Variants in RANBP2 observed in about 807,000 individuals in gnomAD.
RANBP2 encodes E3 SUMO-protein ligase RanBP2.
In RANBP2, 57 loss-of-function variants were observed where a neutral mutation model predicts 303.6. That is an observed-to-expected ratio of 0.19 (90% CI 0.15 to 0.23). The LOEUF (loss-of-function observed/expected upper bound fraction) is 0.23, where lower values mean the gene tolerates loss of function less well. RANBP2 is among the 10% of genes least tolerant of loss of function. The pLI is 1.00. For synonymous variants in RANBP2, 1,167 were observed against 1,301.5 expected (o/e 0.90, Z 2.23); for missense variants, 3,138 against 3,780.8 (o/e 0.83, Z 4.46).
the RANBP2 span, among the ~76,000 whole-genome samples, chr2:109,189,437 C>T: frequency 6.6e-6 from 1 of 150,630 alleles, no homozygotes; most frequent in Non-Finnish European, 1.5e-5. Context: ...AGCGCTATCT[C>T]GGCTCACTGC....
chr2:109,226,697 C>T, the RANBP2 span, among the ~76,000 whole-genome samples: 1 of 152,154 alleles, frequency 6.6e-6, no homozygotes. Flanking sequence ...TCCGTTTGCT[C>T]CTAAGTCTTT....
chr2:109,374,345 G>A, the RANBP2 span, among the ~76,000 whole-genome samples: 3 of 152,124 alleles, frequency 2.0e-5, no homozygotes, highest in South Asian at 2.1e-4. Context: ...ACAGGCTCCC[G>A]GACTCTCAGC....
chr2:108,728,190 G>A (rs1694881507), intron 1 of RANBP2, among the ~76,000 whole-genome samples: 1 of 152,182 alleles, frequency 6.6e-6, no homozygotes, highest in Admixed American at 6.5e-5. Context: ...TCTTTTGTTT[G>A]TTAAGTGAGA....
At chr2:109,380,045 T>C in the RANBP2 span, among the ~76,000 whole-genome samples, 4 of 152,148 alleles carry the variant, frequency 2.6e-5, no homozygotes, top group Non-Finnish European at 5.9e-5. Flanking sequence ...GAGACAAGAC[T>C]ACATAAGAGG....
At chr2:109,329,556 C>T in the RANBP2 span, among the ~76,000 whole-genome samples, 1 of 152,236 alleles carries the variant, frequency 6.6e-6, no homozygotes, top group African/African-American at 2.4e-5. Context: ...TGGGGTGCAG[C>T]CTTCCTGCAG....
chr2:109,000,982 G>T, the RANBP2 span, among the ~76,000 whole-genome samples: 1 of 152,150 alleles, frequency 6.6e-6, no homozygotes, highest in African/African-American at 2.4e-5. Context: ...CATGTGCTGT[G>T]AGCCTCTGAG....
At chr2:109,651,864 A>G in the RANBP2 span, among the ~76,000 whole-genome samples, 2 of 151,810 alleles carry the variant, frequency 1.3e-5, no homozygotes, top group Non-Finnish European at 2.9e-5. Flanking sequence ...GATTCCTGCT[A>G]CTCCCTGCCC....
the RANBP2 span, among the ~76,000 whole-genome samples, chr2:109,061,731 G>A: frequency 2.0e-5 from 3 of 152,078 alleles, no homozygotes; most frequent in African/African-American, 4.8e-5. Context: ...GTACAATTTT[G>A]GACATTAAAA....
At chr2:109,701,250 G>A in the RANBP2 span, among the ~76,000 whole-genome samples, 1 of 152,200 alleles carries the variant, frequency 6.6e-6, no homozygotes, top group African/African-American at 2.4e-5. Flanking sequence ...CTCTCATAGG[G>A]ATTTTCCCTT....
the RANBP2 span, among the ~76,000 whole-genome samples, chr2:109,255,565 G>T: frequency 6.6e-6 from 1 of 152,200 alleles, no homozygotes; most frequent in Non-Finnish European, 1.5e-5. Context: ...TCTCACCAAG[G>T]TTGCTATCAC....
chr2:109,240,942 C>G, the RANBP2 span, among the ~76,000 whole-genome samples: 1 of 147,488 alleles, frequency 6.8e-6, no homozygotes, highest in Non-Finnish European at 1.5e-5. Flanking sequence ...TCTTCTTTCT[C>G]CCTCACCTCC....
At chr2:109,699,169 T>G in the RANBP2 span, among the ~76,000 whole-genome samples, 1 of 152,224 alleles carries the variant, frequency 6.6e-6, no homozygotes, top group East Asian at 1.9e-4. Context: ...TTCTTTCTCA[T>G]GCCTGTGGAA....
the RANBP2 span, among the ~76,000 whole-genome samples, chr2:109,149,053 C>T: frequency 6.6e-6 from 1 of 152,186 alleles, no homozygotes; most frequent in Non-Finnish European, 1.5e-5. Context: ...TTTGCTCTTT[C>T]CTTCCTTCAG....
the RANBP2 span, among the ~76,000 whole-genome samples, chr2:109,406,107 T>A: frequency 6.6e-6 from 1 of 152,128 alleles, no homozygotes; most frequent in Admixed American, 6.5e-5. Context: ...CTGCTCATGT[T>A]TGCACCCCTA....
chr2:109,618,424 A>C, the RANBP2 span: 2 of 167,096 alleles, frequency 1.2e-5, no homozygotes, highest in Admixed American at 6.5e-5. Flanking sequence ...AGGGCTTTAG[A>C]GATTGAGTCA....
the RANBP2 span, among the ~76,000 whole-genome samples, chr2:109,407,363 G>A: frequency 1.1e-4 from 17 of 152,260 alleles, no homozygotes; most frequent in Non-Finnish European, 2.4e-4. Flanking sequence ...AGAAGTAAAT[G>A]AGGAGAGTTC....
chr2:109,313,831 G>C, the RANBP2 span, among the ~76,000 whole-genome samples: 6 of 152,234 alleles, frequency 3.9e-5, no homozygotes, highest in African/African-American at 1.4e-4. Flanking sequence ...CAGTGCATGT[G>C]GGGGAGAGGA....
At chr2:109,248,529 T>G in the RANBP2 span, among the ~76,000 whole-genome samples, 46 of 152,358 alleles carry the variant, frequency 3.0e-4, no homozygotes, top group African/African-American at 1.1e-3. Flanking sequence ...ATTAAATGGA[T>G]GTTACTACCC....
At chr2:109,545,363 G>A in the RANBP2 span, 1 of 1,503,140 alleles carries the variant, frequency 6.7e-7, no homozygotes, top group Non-Finnish European at 8.9e-7. Flanking sequence ...CTAAAACTTG[G>A]GTAACTGATT....
Sources: allele counts gnomAD v4.1 joint callset (sites outside exome capture counted in the v4.1 genomes callset), GRCh38; gene constraint gnomAD v4.1.1; transcripts MANE v1.5; gene names NCBI Gene and HGNC (gene_info 2026-07-23, HGNC 2026-07-21).